MAP3K2: variants seen among roughly 807,000 people sequenced by gnomAD.
MAP3K2 encodes mitogen-activated protein kinase kinase kinase 2, also known as MAP/ERK kinase kinase 2.
MAP3K2 carries 24 observed loss-of-function variants against 80.3 expected under a neutral mutation model. The ratio of observed to expected loss-of-function variants is 0.30; its 90% CI spans 0.22 to 0.42. MAP3K2 has a LOEUF of 0.42. MAP3K2 is among the 10% of genes least tolerant of loss of function. The pLI is 1.00. For synonymous variants in MAP3K2, 244 were observed against 253.7 expected, an observed-to-expected ratio of 0.96 and a Z score of 0.36; for missense variants, 608 against 750.1, an observed-to-expected ratio of 0.81 and a Z score of 2.21.
In MAP3K2 at chr2:127,387,717, A is replaced by G. The variant is rs6761123; in HGVS notation, c.-331T>C. On this transcript the variant is annotated 5_prime_UTR_variant, in exon 1 of 17. Coordinates refer to ENST00000682094, the MANE Select transcript of MAP3K2 (RefSeq NM_001371910.2). Reference sequence around the variant, plus strand: ...CCGGGTCCTCCTGGCGCTCCTCGGCACTTCTAGCCGCTGCAACCCCGAGGC... The same window carrying G: ...CCGGGTCCTCCTGGCGCTCCTCGGCGCTTCTAGCCGCTGCAACCCCGAGGC... 981,287 of 985,104 alleles carry G rather than the reference A, an allele frequency of 1. 488,852 individuals are homozygous for G. Among genetic ancestry groups the G allele is most frequent in the East Asian group, 1 (8,716 of 8,716 alleles). The allele number at this position is 985,104 out of a possible 1,614,324, so 61.0% of individuals were successfully genotyped here. A position where few individuals can be genotyped will look rare whatever the true frequency, so the allele number is the denominator to read the frequency against.
In MAP3K2 at chr2:127,339,482, T is replaced by A. The variant is rs151178472; in HGVS notation, c.5-432A>T. 6.6e-6 allele frequency among the ~76,000 whole-genome samples: 1 copy of A among 152,358 alleles called. No homozygotes were observed. The highest frequency in any genetic ancestry group is 2.4e-5 in the African/African-American group (1 of 41,588). On this transcript the variant is annotated intron_variant, in intron 2 of 16. Transcript: ENST00000682094. The surrounding 1 kb of genome is among the most constrained non-coding windows in gnomAD (Gnocchi z 4.2). ...AGTACAGACTTAATTTTGGAAGGTTTTTTTATTCTTTCATCAATACTTAAG... is the reference window on the plus strand; with the variant it reads ...AGTACAGACTTAATTTTGGAAGGTTATTTTATTCTTTCATCAATACTTAAG...
chr2:127,329,061 TGA>T (rs942485946), intron 7 of MAP3K2, among the ~76,000 whole-genome samples: 1 of 152,184 alleles, frequency 6.6e-6, no homozygotes, highest in African/African-American at 2.4e-5. Flanking sequence ...AATGGGGAGT[TGA>T]GAGTACCTGT....
chr2:127,324,029 A>T (rs1257775758), intron 10 of MAP3K2, 35 bp from the exon 11 acceptor site: 29 of 930,416 alleles, frequency 3.1e-5, no homozygotes, highest in African/African-American at 5.2e-5. Flanking sequence ...TCTTTTATTT[A>T]AAAAAAAAAG....
At position 127,307,572 on chromosome 2, in the gene MAP3K2, C is replaced by T. The variant is rs769558789; in HGVS notation, c.*7G>A. 4 of 1,552,132 alleles carry T rather than the reference C, an allele frequency of 2.6e-6. No individual in the cohort carries two copies. In the African/African-American group the frequency reaches 4.1e-5, roughly 16 times the overall value. ...CTAGGTAGAGGCACAGGAGAGGTTA[C>T]TGGCTGCTAGTGATAATGCACAAAC... On this transcript the variant is annotated 3_prime_UTR_variant, in exon 17 of 17. Coordinates refer to ENST00000682094, the MANE Select transcript of MAP3K2 (RefSeq NM_001371910.2). This position sits in a 1 kb window ranked among gnomAD's most constrained non-coding sequence, Gnocchi z 5.4.
chr2:127,354,154 C>T lies in MAP3K2; in HGVS notation c.-65-10960G>A, dbSNP rs1686756797. On this transcript the variant is annotated intron_variant, in intron 1 of 16. Coordinates refer to ENST00000682094, the MANE Select transcript of MAP3K2 (RefSeq NM_001371910.2). The stretch of plus-strand genomic sequence containing the variant: ...TAGGAAAACCAGAGACCTTTGTTCA[C>T]TTGTTTATCTGCTGACCTTCCCTCC... Among the ~76,000 whole-genome samples, 3 of 148,028 alleles carry T rather than the reference C, an allele frequency of 2.0e-5. No homozygotes were observed. In the South Asian group the frequency reaches 6.3e-4, roughly 31 times the overall value.
intron 9 of MAP3K2, among the ~76,000 whole-genome samples, chr2:127,324,963 A>C (rs1686102795): frequency 6.6e-6 from 1 of 152,238 alleles, no homozygotes; most frequent in Admixed American, 6.5e-5. Context: ...CCAATGTGAC[A>C]CAGTGGGCTA....
At chr2:127,338,733 C>T (rs1325244469) in intron 3 of MAP3K2, among the ~76,000 whole-genome samples, 199 bp downstream of exon 3, 1 of 152,168 alleles carries the variant, frequency 6.6e-6, no homozygotes, top group African/African-American at 2.4e-5. Context: ...CAGTCTACCA[C>T]TGATGGACAC....
intron 5 of MAP3K2, among the ~76,000 whole-genome samples, chr2:127,330,971 C>T (rs1014863555): frequency 1.3e-5 from 2 of 152,164 alleles, no homozygotes; most frequent in Non-Finnish European, 2.9e-5. Context: ...ATCCTGAGCA[C>T]CTGCCATGGA....
intron 14 of MAP3K2, 81 bp from the exon 15 acceptor site, chr2:127,314,964 A>ATAC: frequency 1.0e-6 from 1 of 1,001,196 alleles, no homozygotes; most frequent in Admixed American, 2.7e-5. Context: ...ATCAGTAAAG[A>ATAC]GGGCAGGAAT....
chr2:127,333,123 T>C (rs550384121), intron 5 of MAP3K2, among the ~76,000 whole-genome samples: 38 of 139,704 alleles, frequency 2.7e-4, no homozygotes, highest in Admixed American at 7.2e-4. Context: ...CAGCGGGAGA[T>C]GCTGTCTCAA....
intron 1 of MAP3K2, among the ~76,000 whole-genome samples, chr2:127,384,448 G>C (rs1687309465): frequency 6.6e-6 from 1 of 152,106 alleles, no homozygotes; most frequent in Non-Finnish European, 1.5e-5. Context: ...ATGCCATTAA[G>C]AACACTGATG....
intron 1 of MAP3K2, among the ~76,000 whole-genome samples, chr2:127,386,419 A>G (rs1249905846): frequency 6.6e-6 from 1 of 152,244 alleles, no homozygotes; most frequent in Non-Finnish European, 1.5e-5. Flanking sequence ...ACTAAAAAAG[A>G]TTGCATAAGA....
chr2:127,367,900 G>C (rs1686999113), intron 1 of MAP3K2, among the ~76,000 whole-genome samples: 2 of 152,206 alleles, frequency 1.3e-5, no homozygotes, highest in Admixed American at 1.3e-4. Flanking sequence ...ACACGTCTAA[G>C]TCACAAATCT....
intron 5 of MAP3K2, among the ~76,000 whole-genome samples, chr2:127,333,210 C>T (rs1317900211): frequency 2.6e-5 from 4 of 151,166 alleles, no homozygotes; most frequent in African/African-American, 4.9e-5. Flanking sequence ...GGCTTGAACA[C>T]CTCCACATCC....
chr2:127,376,549 G>T (rs1687154806), intron 1 of MAP3K2, among the ~76,000 whole-genome samples: 1 of 152,140 alleles, frequency 6.6e-6, no homozygotes, highest in African/African-American at 2.4e-5. Flanking sequence ...TTCAGCCAGG[G>T]TCTGCGGGTT....
chr2:127,334,831 C>T (rs1304707713), intron 5 of MAP3K2, among the ~76,000 whole-genome samples: 2 of 149,074 alleles, frequency 1.3e-5, no homozygotes, highest in African/African-American at 2.5e-5. Flanking sequence ...AGTGTAGTGA[C>T]GCGGTATCAG....
rs748495882 is a variant in MAP3K2 at position 127,324,150 on chromosome 2, C to A, written c.745+24G>T. 8 of 1,460,500 alleles carry A rather than the reference C, an allele frequency of 5.5e-6. No individual in the cohort carries two copies. In the African/African-American group the frequency reaches 1.0e-4, roughly 18 times the overall value. 90.5% of individuals were successfully genotyped at this position (1,460,500 alleles called of 1,614,324 possible). On this transcript the variant is annotated intron_variant, in intron 10 of 16. Transcript: ENST00000682094. ...TTATCCAATGACATAAACATTTAAACATTTAGAATTTATAAAGTCTAACCT... is the reference window on the plus strand; with the variant it reads ...TTATCCAATGACATAAACATTTAAAAATTTAGAATTTATAAAGTCTAACCT...
In MAP3K2 at chr2:127,307,142, A is replaced by G. The variant is rs1359906466; in HGVS notation, c.*437T>C. ...AGGGCTCAACCCCACAAATGAGGAT[A>G]TATTTTAAATACTATCACTAAAAAC... On this transcript the variant is annotated 3_prime_UTR_variant, in exon 17 of 17. Coordinates refer to ENST00000682094, the MANE Select transcript of MAP3K2 (RefSeq NM_001371910.2). This position sits in a 1 kb window ranked among gnomAD's most constrained non-coding sequence, Gnocchi z 5.4. The G allele has an allele frequency of 6.5e-6, 1 of 152,924 alleles. No individual in the cohort carries two copies. Among genetic ancestry groups the G allele is most frequent in the African/African-American group, 2.4e-5 (1 of 41,424 alleles). 9.5% of individuals were successfully genotyped at this position (152,924 alleles called of 1,614,324 possible). A position where few individuals can be genotyped will look rare whatever the true frequency, so the allele number is the denominator to read the frequency against.
intron 1 of MAP3K2, among the ~76,000 whole-genome samples, chr2:127,372,995 G>C (rs372114506): frequency 6.6e-6 from 1 of 152,136 alleles, no homozygotes; most frequent in Non-Finnish European, 1.5e-5. Flanking sequence ...GCCTATAATC[G>C]TTACTGACTT....
Sources: gnomAD v4.1 joint callset for allele counts (sites outside exome capture counted in the v4.1 genomes callset) on GRCh38, gnomAD v4.1.1 for gene constraint, Gnocchi (gnomAD v3.1) non-coding constraint, MANE v1.5 for transcripts, NCBI Gene and HGNC (gene_info 2026-07-23, HGNC 2026-07-21) for gene names.